FHAD1: variants seen among roughly 807,000 people sequenced by gnomAD.
The protein encoded by FHAD1 is forkhead associated phosphopeptide binding domain 1.
FHAD1 carries 146 observed loss-of-function variants against 191.3 expected under a neutral mutation model. The observed-to-expected ratio is 0.76, with a 90% CI of 0.67 to 0.88. FHAD1 has a LOEUF of 0.88. FHAD1 is among the 40% of genes least tolerant of loss of function. The pLI, the probability that FHAD1 is intolerant of heterozygous loss-of-function variation, is 0.00. For missense variants in FHAD1, 1,635 were observed against 1,785.8 expected (o/e 0.92, Z 1.52); for synonymous variants, 616 against 672.3 (o/e 0.92, Z 1.29).
At chr1:15,291,817 G>C (rs117495480) in intron 4 of FHAD1, among the ~76,000 whole-genome samples, 1 of 152,228 alleles carries the variant, frequency 6.6e-6, no homozygotes, top group East Asian at 1.9e-4. Context: ...GTGTGAAGAG[G>C]CCTCAGTTCC....
chr1:15,262,703 T>C (rs913750437), intron 2 of FHAD1, among the ~76,000 whole-genome samples: 5 of 152,250 alleles, frequency 3.3e-5, no homozygotes, highest in African/African-American at 1.2e-4. Context: ...TGTCTGTCCA[T>C]GGACACCTGG....
intron 10 of FHAD1, 56 bp from the exon 11 acceptor site, chr1:15,324,396 C>A: frequency 7.5e-7 from 1 of 1,340,866 alleles, no homozygotes; most frequent in Non-Finnish European, 1.0e-6. Context: ...AGGAATCTCC[C>A]CAGAGTGCAT....
At chr1:15,331,494 GGA>G (rs1170316884) in intron 14 of FHAD1, among the ~76,000 whole-genome samples, 1 of 119,098 alleles carries the variant, frequency 8.4e-6, no homozygotes, top group Non-Finnish European at 1.6e-5. Context: ...ATTGATGGAT[GGA>G]TGGATGGATG....
intron 1 of FHAD1, among the ~76,000 whole-genome samples, 195 bp from the exon 2 acceptor site, chr1:15,251,576 G>A (rs1421977395): frequency 1.3e-5 from 2 of 152,180 alleles, no homozygotes; most frequent in Non-Finnish European, 2.9e-5. Flanking sequence ...AGATATCATG[G>A]TTAGAAGAGA....
chr1:15,353,324 G>C (rs761251563), intron 20 of FHAD1, among the ~76,000 whole-genome samples: 5 of 152,162 alleles, frequency 3.3e-5, no homozygotes, highest in Admixed American at 2.0e-4. Context: ...TCCGAAGCCT[G>C]GACTGTCTGA....
intron 5 of FHAD1, among the ~76,000 whole-genome samples, chr1:15,300,770 C>A (rs1253002125): frequency 6.6e-6 from 1 of 152,142 alleles, no homozygotes; most frequent in Non-Finnish European, 1.5e-5. Flanking sequence ...TGACAGAGAG[C>A]CTCAAAGTCT....
In FHAD1 at chr1:15,352,992, C is replaced by T; in HGVS notation, c.2562+8C>T. On this transcript the variant is annotated splice_region_variant and intron_variant, in intron 20 of 33. Transcript: ENST00000688493. ...TTAACCAAGCAGAAAGAGGTATGAG[C>T]CGCAGGGAGGGAGAGACGAGAGGGG... is the stretch of plus-strand genomic sequence containing the variant. 6.5e-7 allele frequency: 1 copy of T among 1,543,858 alleles called. No individual in the cohort carries two copies. The highest frequency in any genetic ancestry group is 8.8e-7 in the Non-Finnish European group (1 of 1,140,298).
At chr1:15,363,621 A>G (rs1416842989) in intron 23 of FHAD1, 2 of 370,698 alleles carry the variant, frequency 5.4e-6, no homozygotes, top group Non-Finnish European at 1.1e-5. Flanking sequence ...TTAAGCAGAC[A>G]GAGATTTCAA....
At chr1:15,357,625 CAAAAAAAA>C (rs71000395) in intron 20 of FHAD1, among the ~76,000 whole-genome samples, 2 of 76,132 alleles carry the variant, frequency 2.6e-5, no homozygotes, top group African/African-American at 9.1e-5. Context: ...TCCTCCGTCT[CAAAAAAAA>C]AAAAAAAAAA....
At chr1:15,328,709 A>G (rs544302220) in intron 13 of FHAD1, 184 of 294,046 alleles carry the variant, frequency 6.3e-4, no homozygotes, top group Admixed American at 1.2e-3. Flanking sequence ...AATTGTTTTC[A>G]TAGCCCCTAT....
chr1:15,360,339 A>G (rs1453696349), intron 21 of FHAD1, 139 bp from the exon 22 acceptor site: 1 of 670,590 alleles, frequency 1.5e-6, no homozygotes, highest in Non-Finnish European at 2.5e-6. Flanking sequence ...GAAGAAGTGC[A>G]CAGGGCAGAG....
At chr1:15,342,431 T>A (rs1687107983) in intron 16 of FHAD1, among the ~76,000 whole-genome samples, 1 of 152,188 alleles carries the variant, frequency 6.6e-6, no homozygotes, top group South Asian at 2.1e-4. Flanking sequence ...CGCTACATTT[T>A]CAACAAGCTC....
In FHAD1 at chr1:15,380,711, G is replaced by C. The variant is rs1570485301; in HGVS notation, c.3716G>C (p.Gly1239Ala). The C allele has an allele frequency of 1.9e-6, 3 of 1,551,636 alleles. No homozygotes were observed. Among genetic ancestry groups the C allele is most frequent in the Non-Finnish European group, 2.6e-6 (3 of 1,146,920 alleles). ...SRIEILAPQN[G>A]LCNARFGSAM... ...TCTTTCTGATTTCAGCCTCAGAATG[G>C]CCTTTGCAACGCAAGGTTCGGCTCA... The change falls in exon 29 of 34, where the codon GGC (glycine) becomes GCC (alanine). Residue 1239 changes from glycine to alanine, a missense_variant. Gly to Ala is a moderately conservative substitution (Grantham distance 60, BLOSUM62 0). Transcript: ENST00000688493.
chr1:15,373,486 T>A lies in FHAD1; in HGVS notation c.3448-1016T>A, dbSNP rs187148191. 4.5e-3 allele frequency among the ~76,000 whole-genome samples: 670 copies of A among 150,130 alleles called. 8 individuals carry two copies. Among genetic ancestry groups the A allele is most frequent in the African/African-American group, 0.016 (645 of 40,306 alleles). ...AAGATCACGCCACTGCACTGTAGCCTGGGCGACAGAGCAAGACTCCGTCAA... is the reference window on the plus strand; with the variant it reads ...AAGATCACGCCACTGCACTGTAGCCAGGGCGACAGAGCAAGACTCCGTCAA... On this transcript the variant is annotated intron_variant, in intron 26 of 33. Transcript: ENST00000688493.
chr1:15,280,981 T>G (rs1660405710), intron 3 of FHAD1, among the ~76,000 whole-genome samples: 1 of 152,250 alleles, frequency 6.6e-6, no homozygotes, highest in Admixed American at 6.5e-5. Flanking sequence ...CTTTAAGTTC[T>G]AAAACGTGGA....
In FHAD1 at chr1:15,296,800, G is replaced by A; in HGVS notation, c.678+7G>A. Reference sequence around the variant, plus strand: ...CTTGGCCCAGCAGGACAAGGTGAGGGAGGGGTCTGGGGAAGGGTGGAGCTG... The same window carrying A: ...CTTGGCCCAGCAGGACAAGGTGAGGAAGGGGTCTGGGGAAGGGTGGAGCTG... On this transcript the variant is annotated splice_region_variant and intron_variant, in intron 5 of 33. Coordinates refer to ENST00000688493, the MANE Select transcript of FHAD1 (RefSeq NM_001391957.1). The A allele has an allele frequency of 6.5e-7, 1 of 1,549,834 alleles. No homozygotes were observed. The highest frequency in any genetic ancestry group is 8.7e-7 in the Non-Finnish European group (1 of 1,145,498).
intron 3 of FHAD1, among the ~76,000 whole-genome samples, chr1:15,285,393 C>T (rs569461207): frequency 2.6e-5 from 4 of 152,148 alleles, no homozygotes; most frequent in Admixed American, 6.5e-5. Context: ...ATTAGCTGGG[C>T]GTGGTGGCAC....
intron 4 of FHAD1, among the ~76,000 whole-genome samples, chr1:15,295,678 A>G (rs1012003091): frequency 3.9e-5 from 6 of 152,150 alleles, no homozygotes; most frequent in African/African-American, 1.2e-4. Context: ...TATATTTTCA[A>G]TCCACAGTTG....
chr1:15,240,743 G>A (rs1054929504), intron 1 of FHAD1, among the ~76,000 whole-genome samples: 3 of 151,702 alleles, frequency 2.0e-5, no homozygotes, highest in East Asian at 1.9e-4. Flanking sequence ...TGGATCACAA[G>A]GTCAGGAGTT....
Sources: allele counts gnomAD v4.1 joint callset (sites outside exome capture counted in the v4.1 genomes callset), GRCh38; gene constraint gnomAD v4.1.1; transcripts MANE v1.5; gene names NCBI Gene and HGNC (gene_info 2026-07-23, HGNC 2026-07-21).